The following NEGR1 variants were observed in gnomAD, a reference collection of about 807,000 sequenced individuals.
The protein encoded by NEGR1 is neuronal growth regulator 1, also known as IgLON family member 4.
Under a neutral mutation model 40.9 loss-of-function variants are expected in NEGR1, and 10 were observed. That is an observed-to-expected ratio of 0.24 (90% CI 0.15 to 0.42). NEGR1 has a LOEUF of 0.42. Among genes scored for constraint, NEGR1 ranks in the 10% least tolerant of loss-of-function variants. The probability of loss-of-function intolerance (pLI) is 1.00; values close to 1 mark genes in which losing one functional copy is unlikely to be tolerated. For missense variants in NEGR1, 352 were observed against 438.9 expected, an observed-to-expected ratio of 0.80 and a Z score of 1.77; for synonymous variants, 185 against 166.8, an observed-to-expected ratio of 1.11 and a Z score of -0.84.
At chr1:71,486,760 A>C (rs542101772) in intron 6 of NEGR1, 1 of 151,778 alleles carries the variant, frequency 6.6e-6, no homozygotes, top group East Asian at 1.9e-4. Flanking sequence ...ATTTATGTAA[A>C]GTACTTAGCA....
intron 6 of NEGR1, among the ~76,000 whole-genome samples, chr1:71,580,117 C>T (rs567007063): frequency 6.6e-6 from 1 of 152,158 alleles, no homozygotes; most frequent in East Asian, 1.9e-4. Context: ...CCATGGAATA[C>T]TATGCAGCCA....
chr1:72,077,442 A>G (rs994309763), intron 1 of NEGR1, among the ~76,000 whole-genome samples: 6 of 152,110 alleles, frequency 3.9e-5, no homozygotes, highest in African/African-American at 1.2e-4. Context: ...AAGGAAAATA[A>G]AATCAAACCT....
chr1:71,840,080 G>A (rs533446629), intron 2 of NEGR1, among the ~76,000 whole-genome samples: 69 of 152,104 alleles, frequency 4.5e-4, no homozygotes, highest in Non-Finnish European at 8.8e-4. Flanking sequence ...TCTCCAGAGC[G>A]GATTTCTCTT....
At chr1:71,613,118 T>C (rs757244634) in intron 4 of NEGR1, among the ~76,000 whole-genome samples, 5 of 152,016 alleles carry the variant, frequency 3.3e-5, no homozygotes, top group Non-Finnish European at 7.4e-5. Context: ...AGTCTAGGGA[T>C]AAAGTAGGGA....
chr1:71,572,759 C>T (rs572754332), intron 6 of NEGR1, among the ~76,000 whole-genome samples: 1 of 152,138 alleles, frequency 6.6e-6, no homozygotes, highest in Admixed American at 6.5e-5. Context: ...TTAATAAATG[C>T]CTGATTTCAC....
chr1:72,022,844 A>G (rs1478159861), intron 1 of NEGR1, among the ~76,000 whole-genome samples: 2 of 152,186 alleles, frequency 1.3e-5, no homozygotes, highest in Non-Finnish European at 2.9e-5. Context: ...AATTAAATTC[A>G]ATAATTGTTT....
At chr1:71,701,944 GTGT>G (rs1653711148) in intron 3 of NEGR1, among the ~76,000 whole-genome samples, 2 of 152,162 alleles carry the variant, frequency 1.3e-5, no homozygotes, top group South Asian at 2.1e-4. Flanking sequence ...AGTCTGAGAA[GTGT>G]TGTTAGAGCA....
intron 1 of NEGR1, among the ~76,000 whole-genome samples, chr1:72,052,886 TC>T: frequency 6.6e-6 from 1 of 151,554 alleles, no homozygotes; most frequent in East Asian, 1.9e-4. Flanking sequence ...TCCATTAGAT[TC>T]TCAATGGATT....
chr1:71,438,033 C>A (rs1330020754), intron 6 of NEGR1, among the ~76,000 whole-genome samples: 1 of 152,224 alleles, frequency 6.6e-6, no homozygotes, highest in Admixed American at 6.5e-5. Context: ...GCATCTATTT[C>A]TATTAGCTAC....
intron 3 of NEGR1, among the ~76,000 whole-genome samples, chr1:71,735,110 A>C (rs552378448): frequency 2.6e-5 from 4 of 152,228 alleles, no homozygotes; most frequent in African/African-American, 7.2e-5. Flanking sequence ...TTACATCAAC[A>C]TGTTCATATG....
intron 6 of NEGR1, among the ~76,000 whole-genome samples, chr1:71,569,250 T>C (rs1391476216): frequency 1.3e-5 from 2 of 152,030 alleles, no homozygotes; most frequent in African/African-American, 4.8e-5. Flanking sequence ...AGAAACCTTA[T>C]CTGTTGTTAG....
rs78989043 is a variant in NEGR1 at position 71,887,072 on chromosome 1, T to A, written c.409+48007A>T. Among the ~76,000 whole-genome samples, 689 of 152,344 alleles carry A rather than the reference T, an allele frequency of 4.5e-3. 5 individuals are homozygous for A. The highest frequency in any genetic ancestry group is 0.016 in the African/African-American group (667 of 41,568). On this transcript the variant is annotated intron_variant, in intron 2 of 6. Transcript: ENST00000357731. ...GCAGTTGATTTAAATGTATTTTGTA[T>A]GTTATAGGTATTATACACTGTATTC...
At chr1:71,702,834 G>T (rs965991544) in intron 3 of NEGR1, among the ~76,000 whole-genome samples, 2 of 151,930 alleles carry the variant, frequency 1.3e-5, no homozygotes, top group Non-Finnish European at 2.9e-5. Context: ...AATATTCATG[G>T]CTTTCTATCT....
intron 1 of NEGR1, among the ~76,000 whole-genome samples, chr1:72,014,922 T>C (rs1646695535): frequency 6.6e-6 from 1 of 152,114 alleles, no homozygotes; most frequent in Non-Finnish European, 1.5e-5. Context: ...AAGAAAGTAT[T>C]CTTTCATAAA....
intron 1 of NEGR1, among the ~76,000 whole-genome samples, chr1:72,115,307 G>A (rs567855060): frequency 2.6e-5 from 4 of 151,796 alleles, no homozygotes; most frequent in African/African-American, 7.2e-5. Flanking sequence ...TAGGCATGGA[G>A]GCATTCTGAA....
chr1:72,094,429 G>C (rs1648621929), intron 1 of NEGR1, among the ~76,000 whole-genome samples: 1 of 152,122 alleles, frequency 6.6e-6, no homozygotes, highest in South Asian at 2.1e-4. Context: ...TATTCTCTGT[G>C]TTCTTGAAAA....
intron 5 of NEGR1, among the ~76,000 whole-genome samples, chr1:71,607,658 C>T (rs557616369): frequency 6.6e-6 from 1 of 152,128 alleles, no homozygotes; most frequent in African/African-American, 2.4e-5. Flanking sequence ...ATAGCAGGTG[C>T]TTGCTAAATA....
At chr1:71,798,018 T>C (rs911415258) in intron 2 of NEGR1, 1 of 152,076 alleles carries the variant, frequency 6.6e-6, no homozygotes, top group Non-Finnish European at 1.5e-5. Flanking sequence ...TATGATTCTT[T>C]AACATTGGCC....
chr1:71,611,266 C>T, intron 4 of NEGR1, 120 bp from the exon 5 acceptor site: 1 of 809,090 alleles, frequency 1.2e-6, no homozygotes. Flanking sequence ...CCTGATAGAC[C>T]AACGCATCAC....
Sources: gnomAD v4.1 joint callset for allele counts (sites outside exome capture counted in the v4.1 genomes callset) on GRCh38, gnomAD v4.1.1 for gene constraint, MANE v1.5 for transcripts, NCBI Gene and HGNC (gene_info 2026-07-23, HGNC 2026-07-21) for gene names.